EPHB2: variants seen among roughly 807,000 people sequenced by gnomAD.
EPHB2 encodes EPH receptor B2.
Under a neutral mutation model 96.4 loss-of-function variants are expected in EPHB2, and 18 were observed. That is an observed-to-expected ratio of 0.19 (90% CI 0.13 to 0.28). The LOEUF (loss-of-function observed/expected upper bound fraction) is 0.28. Ranked by LOEUF, EPHB2 falls within the 10% of genes least tolerant of loss-of-function variation. The pLI is 1.00. For missense variants in EPHB2, 989 were observed against 1,355.4 expected, an observed-to-expected ratio of 0.73 and a Z score of 4.25; for synonymous variants, 506 against 534.1, an observed-to-expected ratio of 0.95 and a Z score of 0.72.
In EPHB2 at chr1:22,919,684, T is replaced by C. The variant is rs148283245; in HGVS notation, c.*6114T>C. 2.1e-3 allele frequency: 320 copies of C among 152,290 alleles called. No individual in the cohort carries two copies. The highest frequency in any genetic ancestry group is 0.017 in the East Asian group (90 of 5,170). The allele number at this position is 152,290 out of a possible 1,614,324, so 9.4% of individuals were successfully genotyped here. A position where few individuals can be genotyped will look rare whatever the true frequency, so the allele number is the denominator to read the frequency against. On this transcript the variant is annotated 3_prime_UTR_variant, in exon 16 of 16. Transcript: ENST00000374630. ...TCTCTACCCAAGACCTAACGGCCCC[T>C]GTTGAAGGAGAGGGAGCAGGAGAGG... is the stretch of plus-strand genomic sequence containing the variant.
chr1:22,820,732 C>T (rs1044009077), intron 3 of EPHB2, among the ~76,000 whole-genome samples: 1 of 152,176 alleles, frequency 6.6e-6, no homozygotes, highest in Non-Finnish European at 1.5e-5. Context: ...GAAACACAGA[C>T]TATGCCAATG....
At chr1:22,740,123 G>A (rs951314318) in intron 1 of EPHB2, among the ~76,000 whole-genome samples, 1 of 152,166 alleles carries the variant, frequency 6.6e-6, no homozygotes, top group Non-Finnish European at 1.5e-5. Context: ...TACTCAACCT[G>A]AGGTCCCTGG....
At chr1:22,716,652 AT>A (rs2148332401) in intron 1 of EPHB2, among the ~76,000 whole-genome samples, 1 of 152,246 alleles carries the variant, frequency 6.6e-6, no homozygotes, top group African/African-American at 2.4e-5. Context: ...GACAGATTCT[AT>A]GGGCCAGTTT....
chr1:22,717,609 T>G lies in EPHB2; in HGVS notation c.61+6566T>G, dbSNP rs150794748. 4.8e-3 allele frequency among the ~76,000 whole-genome samples: 736 copies of G among 152,300 alleles called. 3 individuals are homozygous for G. The highest frequency in any genetic ancestry group is 8.1e-3 in the Non-Finnish European group (553 of 68,016). On this transcript the variant is annotated intron_variant, in intron 1 of 15. Transcript: ENST00000374630. ...AGAATACCGCGCATGTGTCAGAGGCTCATGGCGAGGATTCAGTGAGATGCT... is the reference window on the plus strand; with the variant it reads ...AGAATACCGCGCATGTGTCAGAGGCGCATGGCGAGGATTCAGTGAGATGCT...
intron 2 of EPHB2, 49 bp downstream of exon 2, chr1:22,781,534 G>T: frequency 6.3e-7 from 1 of 1,599,962 alleles, no homozygotes; most frequent in Non-Finnish European, 8.6e-7. Flanking sequence ...GATCCCTCAA[G>T]CCCTGCTGCA....
intron 3 of EPHB2, among the ~76,000 whole-genome samples, chr1:22,806,492 CGGACGGACGGACGGAT>C (rs2148455487): frequency 1.1e-5 from 1 of 92,014 alleles, no homozygotes; most frequent in African/African-American, 4.6e-5. Context: ...GACGGACGGA[CGGACGGACGGACGGAT>C]GGATGGATGG....
intron 2 of EPHB2, among the ~76,000 whole-genome samples, chr1:22,782,616 C>G (rs376084719): frequency 6.6e-6 from 1 of 151,726 alleles, no homozygotes; most frequent in Admixed American, 6.6e-5. Flanking sequence ...GCAGGGCCCC[C>G]GGACGCAATT....
At chr1:22,720,127 C>T (rs796513011) in intron 1 of EPHB2, among the ~76,000 whole-genome samples, 1 of 152,178 alleles carries the variant, frequency 6.6e-6, no homozygotes, top group African/African-American at 2.4e-5. Flanking sequence ...GCGCCTCTAT[C>T]CATGGCAATT....
intron 1 of EPHB2, among the ~76,000 whole-genome samples, chr1:22,723,680 A>G (rs1204355716): frequency 6.6e-6 from 1 of 152,230 alleles, no homozygotes; most frequent in Non-Finnish European, 1.5e-5. Flanking sequence ...CTTTCCACTC[A>G]CTGGCGGTGT....
intron 6 of EPHB2, among the ~76,000 whole-genome samples, chr1:22,885,804 T>G (rs971555070): frequency 6.6e-6 from 1 of 152,084 alleles, no homozygotes; most frequent in Non-Finnish European, 1.5e-5. Context: ...AGGCTGAAGG[T>G]GTGACAGCCT....
At chr1:22,843,666 G>A (rs890943823) in intron 3 of EPHB2, among the ~76,000 whole-genome samples, 3 of 152,170 alleles carry the variant, frequency 2.0e-5, no homozygotes, top group South Asian at 2.1e-4. Flanking sequence ...TCAGCCTCCC[G>A]AGTAGCTGGG....
At chr1:22,853,162 A>G (rs1404799772) in intron 3 of EPHB2, among the ~76,000 whole-genome samples, 3 of 152,238 alleles carry the variant, frequency 2.0e-5, no homozygotes, top group East Asian at 1.9e-4. Context: ...CATCCTGGCT[A>G]ACACAGTGAA....
At chr1:22,729,675 C>T (rs1178702605) in intron 1 of EPHB2, among the ~76,000 whole-genome samples, 2 of 152,332 alleles carry the variant, frequency 1.3e-5, no homozygotes, top group African/African-American at 4.8e-5. Context: ...TCCATGTTTT[C>T]AAGGAAGTGT....
rs969490587 is a variant in EPHB2 at position 22,875,832 on chromosome 1, G to A, written c.1304-6527G>A. Among the ~76,000 whole-genome samples, 4 of 152,144 alleles carry A rather than the reference G, an allele frequency of 2.6e-5. No individual in the cohort carries two copies. The highest frequency in any genetic ancestry group is 2.0e-4 in the Admixed American group (3 of 15,274). Reference sequence around the variant, plus strand: ...AAGGGGCTACTGGAGGGGAGAGGTAGTTCAGGAGGGCATCTCGGAGGAGTT... The same window carrying A: ...AAGGGGCTACTGGAGGGGAGAGGTAATTCAGGAGGGCATCTCGGAGGAGTT... On this transcript the variant is annotated intron_variant, in intron 5 of 15. Transcript: ENST00000374630. The surrounding 1 kb of genome is among the most constrained non-coding windows in gnomAD (Gnocchi z 4.2).
intron 3 of EPHB2, among the ~76,000 whole-genome samples, chr1:22,841,820 C>G (rs1189446775): frequency 6.6e-6 from 1 of 152,150 alleles, no homozygotes. Context: ...GGGATGAAGG[C>G]CTGCTGTCTC....
chr1:22,741,065 C>T (rs1329951121), intron 1 of EPHB2, among the ~76,000 whole-genome samples: 2 of 152,074 alleles, frequency 1.3e-5, no homozygotes, highest in African/African-American at 4.8e-5. Context: ...CCCAGGTCTC[C>T]CCTGTGGTGG....
chr1:22,798,067 G>A (rs1644792462), intron 3 of EPHB2, among the ~76,000 whole-genome samples: 1 of 152,124 alleles, frequency 6.6e-6, no homozygotes, highest in South Asian at 2.1e-4. Flanking sequence ...TCTTTCCCAG[G>A]TGGAGTGTGG....
chr1:22,832,226 T>A (rs892355352), intron 3 of EPHB2, among the ~76,000 whole-genome samples: 2 of 152,112 alleles, frequency 1.3e-5, no homozygotes, highest in African/African-American at 4.8e-5. Flanking sequence ...TGCCCAGCCC[T>A]GCATGGCCCT....
At chr1:22,897,481 TG>T (rs1359884541) in intron 9 of EPHB2, among the ~76,000 whole-genome samples, 9 of 152,204 alleles carry the variant, frequency 5.9e-5, no homozygotes, top group South Asian at 2.1e-4. Context: ...TTCTAGGTGC[TG>T]GGGATCCCAG....
Sources: gnomAD v4.1 joint callset for allele counts (sites outside exome capture counted in the v4.1 genomes callset) on GRCh38, gnomAD v4.1.1 for gene constraint, Gnocchi (gnomAD v3.1) non-coding constraint, MANE v1.5 for transcripts, NCBI Gene and HGNC (gene_info 2026-07-23, HGNC 2026-07-21) for gene names.